UBE2E3: variants seen among roughly 807,000 people sequenced by gnomAD.
The protein encoded by UBE2E3 is ubiquitin conjugating enzyme E2 E3, also known as ubiquitin-conjugating enzyme E2 E3.
A neutral mutation model predicts 23.6 loss-of-function variants in UBE2E3; 5 were observed. The observed-to-expected ratio is 0.21, with a 90% CI of 0.11 to 0.44. UBE2E3 has a LOEUF of 0.44. Ranked by LOEUF, UBE2E3 falls within the 20% of genes least tolerant of loss-of-function variation. The pLI, the probability that UBE2E3 is intolerant of heterozygous loss-of-function variation, is 0.99. For synonymous variants in UBE2E3, 78 were observed against 87.5 expected, an observed-to-expected ratio of 0.89 and a Z score of 0.60; for missense variants, 81 against 249.8, an observed-to-expected ratio of 0.32 and a Z score of 4.55.
intron 3 of UBE2E3, among the ~76,000 whole-genome samples, chr2:181,049,719 T>C (rs1391561205): frequency 6.6e-6 from 1 of 152,048 alleles, no homozygotes; most frequent in Admixed American, 6.6e-5. Context: ...GCCATAGTTT[T>C]TTTACTTCAT....
intron 3 of UBE2E3, among the ~76,000 whole-genome samples, chr2:181,005,308 G>C (rs544389674): frequency 1.1e-4 from 16 of 152,300 alleles, no homozygotes; most frequent in Middle Eastern, 3.4e-3. Flanking sequence ...GTGTGAAATA[G>C]CGTGAATCTT....
intron 3 of UBE2E3, among the ~76,000 whole-genome samples, chr2:181,022,307 A>G (rs1685729823): frequency 1.3e-5 from 2 of 152,232 alleles, no homozygotes; most frequent in Middle Eastern, 3.4e-3. Context: ...AAACATTTAG[A>G]AAAATAAACA....
chr2:181,029,163 C>G (rs1197635605), intron 3 of UBE2E3, among the ~76,000 whole-genome samples: 1 of 151,864 alleles, frequency 6.6e-6, no homozygotes, highest in Non-Finnish European at 1.5e-5. Flanking sequence ...CTCTTCCATT[C>G]TATTCATCAA....
chr2:181,007,059 C>G (rs1248490568), intron 3 of UBE2E3, among the ~76,000 whole-genome samples: 1 of 152,194 alleles, frequency 6.6e-6, no homozygotes, highest in African/African-American at 2.4e-5. Flanking sequence ...TCTCAGGTCT[C>G]TTTCATCTCC....
In UBE2E3 at chr2:181,027,237, A is replaced by G. The variant is rs148739801; in HGVS notation, c.246-30456A>G. ...TATGTATGTATATTTATGTTTGTGC[A>G]TTTGTGCATAAGTTAAATCTTTGAC... On this transcript the variant is annotated intron_variant, in intron 3 of 5. Coordinates refer to ENST00000410062, the MANE Select transcript of UBE2E3 (RefSeq NM_006357.4). 9.0e-3 allele frequency among the ~76,000 whole-genome samples: 1,368 copies of G among 151,956 alleles called. 10 individuals carry two copies. Among genetic ancestry groups the G allele is most frequent in the Non-Finnish European group, 0.013 (906 of 67,780 alleles).
intron 3 of UBE2E3, among the ~76,000 whole-genome samples, chr2:181,047,080 G>A (rs12151685): frequency 0.23 from 35,321 of 151,988 alleles, 4,474 homozygotes; most frequent in Non-Finnish European, 0.28. Context: ...ACACATGCAG[G>A]TAGTTTTTGT....
At chr2:180,994,591 C>T (rs1343296996) in intron 3 of UBE2E3, among the ~76,000 whole-genome samples, 2 of 152,158 alleles carry the variant, frequency 1.3e-5, no homozygotes, top group African/African-American at 2.4e-5. Flanking sequence ...CCTTCCTTCC[C>T]CACAGTTATT....
intron 4 of UBE2E3, among the ~76,000 whole-genome samples, chr2:181,059,394 T>C (rs1166197516): frequency 6.6e-6 from 1 of 151,748 alleles, no homozygotes; most frequent in Non-Finnish European, 1.5e-5. Flanking sequence ...AGCAGTAACG[T>C]CAGTGATCTG....
At chr2:181,059,159 A>C (rs1400436076) in intron 4 of UBE2E3, among the ~76,000 whole-genome samples, 1 of 151,758 alleles carries the variant, frequency 6.6e-6, no homozygotes, top group African/African-American at 2.4e-5. Context: ...GCTGAGATAT[A>C]CAGTATTAAC....
intron 3 of UBE2E3, among the ~76,000 whole-genome samples, chr2:181,004,040 AG>A (rs1685066135): frequency 6.6e-6 from 1 of 152,196 alleles, no homozygotes; most frequent in Non-Finnish European, 1.5e-5. Flanking sequence ...TGCCTGCATC[AG>A]GTGTGAATGT....
At chr2:181,006,421 C>T (rs1027708501) in intron 3 of UBE2E3, among the ~76,000 whole-genome samples, 20 of 150,838 alleles carry the variant, frequency 1.3e-4, no homozygotes, top group Non-Finnish European at 2.1e-4. Flanking sequence ...TTCCAGATTC[C>T]ATGAAGGATA....
chr2:180,981,987 TCTC>T (rs1339742375), intron 1 of UBE2E3, 28 bp from the exon 2 acceptor site: 14 of 1,470,632 alleles, frequency 9.5e-6, no homozygotes, highest in Non-Finnish European at 1.1e-5. Flanking sequence ...TTTAACATTT[TCTC>T]CTCCTCCTCC....
intron 3 of UBE2E3, among the ~76,000 whole-genome samples, chr2:181,025,881 T>C (rs1268115744): frequency 6.6e-6 from 1 of 151,980 alleles, no homozygotes; most frequent in East Asian, 1.9e-4. Flanking sequence ...CTCTACTTTA[T>C]ATGGAAACAA....
At chr2:180,998,798 T>C (rs1397532789) in intron 3 of UBE2E3, among the ~76,000 whole-genome samples, 1 of 152,134 alleles carries the variant, frequency 6.6e-6, no homozygotes, top group Non-Finnish European at 1.5e-5. Flanking sequence ...AGATACGTTT[T>C]TATCCAAAAA....
chr2:181,037,614 T>G (rs1467670058), intron 3 of UBE2E3, among the ~76,000 whole-genome samples: 3 of 152,002 alleles, frequency 2.0e-5, no homozygotes, highest in African/African-American at 7.2e-5. Flanking sequence ...TACACTGTGT[T>G]TGTGTTTTAA....
intron 3 of UBE2E3, among the ~76,000 whole-genome samples, chr2:181,056,667 C>A (rs1375338343): frequency 2.0e-5 from 3 of 151,778 alleles, no homozygotes; most frequent in Non-Finnish European, 4.4e-5. Flanking sequence ...GGTCAGATTT[C>A]AACTTGAGTT....
At chr2:180,991,928 C>G (rs940748521) in intron 3 of UBE2E3, among the ~76,000 whole-genome samples, 3 of 152,160 alleles carry the variant, frequency 2.0e-5, no homozygotes, top group Admixed American at 2.0e-4. Context: ...TATTTTTGGA[C>G]TGTGGTTGAC....
At chr2:181,034,105 G>T (rs1294241419) in intron 3 of UBE2E3, among the ~76,000 whole-genome samples, 2 of 152,194 alleles carry the variant, frequency 1.3e-5, no homozygotes, top group African/African-American at 2.4e-5. Flanking sequence ...CAACCATTGT[G>T]GAAGACAGTG....
chr2:181,059,755 C>T (rs1339471052), intron 4 of UBE2E3, among the ~76,000 whole-genome samples: 1 of 151,630 alleles, frequency 6.6e-6, no homozygotes, highest in Admixed American at 6.6e-5. Context: ...ATACTCTCCT[C>T]CTCCCCCACT....
Sources: gnomAD v4.1 joint callset for allele counts (sites outside exome capture counted in the v4.1 genomes callset) on GRCh38, gnomAD v4.1.1 for gene constraint, MANE v1.5 for transcripts, NCBI Gene and HGNC (gene_info 2026-07-23, HGNC 2026-07-21) for gene names.